Variants in KLHL24 observed in about 807,000 individuals in gnomAD.
KLHL24 encodes the protein kelch like family member 24, also known as kelch-like protein 24.
A neutral mutation model predicts 53.4 loss-of-function variants in KLHL24; 29 were observed. That is an observed-to-expected ratio of 0.54 (90% CI 0.40 to 0.74). The LOEUF (loss-of-function observed/expected upper bound fraction) is 0.74, where lower values mean the gene tolerates loss of function less well. KLHL24 is among the 30% of genes least tolerant of loss of function. The pLI is 0.00. For missense variants in KLHL24, 504 were observed against 744.0 expected (o/e 0.68, Z 3.75); for synonymous variants, 222 against 253.7 (o/e 0.88, Z 1.19).
Position 183,679,328 on chromosome 3 carries a change from G to A in KLHL24, c.*42G>A. The A allele has an allele frequency of 1.3e-6, 2 of 1,512,864 alleles. No homozygotes were observed. Among genetic ancestry groups the A allele is most frequent in the Non-Finnish European group, 1.8e-6 (2 of 1,091,466 alleles). 93.7% of individuals were successfully genotyped at this position (1,512,864 alleles called of 1,614,324 possible). A position where few individuals can be genotyped will look rare whatever the true frequency, so the allele number is the denominator to read the frequency against. On this transcript the variant is annotated 3_prime_UTR_variant, in exon 8 of 8. Transcript: ENST00000242810. Reference sequence around the variant, plus strand: ...CGAAGAAGCCACACTGATCCAAGATGGGAGGTTTTAAAAACTCTACAGTGG... The same window carrying A: ...CGAAGAAGCCACACTGATCCAAGATAGGAGGTTTTAAAAACTCTACAGTGG...
chr3:183,656,435 T>C (rs1326296367), intron 3 of KLHL24, among the ~76,000 whole-genome samples: 2 of 152,170 alleles, frequency 1.3e-5, no homozygotes, highest in East Asian at 3.8e-4. Context: ...AAGTTTAATA[T>C]TAGTATGGAA....
chr3:183,653,472 T>C (rs1718417515), intron 3 of KLHL24, among the ~76,000 whole-genome samples: 1 of 152,164 alleles, frequency 6.6e-6, no homozygotes, highest in South Asian at 2.1e-4. Context: ...TTTATGCTGC[T>C]GAAGTGGAGT....
intron 3 of KLHL24, among the ~76,000 whole-genome samples, chr3:183,651,766 C>T (rs773825753): frequency 2.6e-5 from 4 of 152,110 alleles, no homozygotes; most frequent in Non-Finnish European, 5.9e-5. Context: ...CCAGCCTGGG[C>T]AACATAGCGA....
At chr3:183,642,805 A>G (rs1576881514) in intron 1 of KLHL24, 1 of 137,090 alleles carries the variant, frequency 7.3e-6, no homozygotes, top group Non-Finnish European at 1.5e-5. Context: ...ACACTCTTCA[A>G]ATATCCAAAG....
chr3:183,661,791 CAA>C (rs963314762), intron 3 of KLHL24, among the ~76,000 whole-genome samples: 2 of 152,046 alleles, frequency 1.3e-5, no homozygotes, highest in African/African-American at 2.4e-5. Context: ...AAGGATAAAA[CAA>C]AATCCTATGA....
At chr3:183,677,952 C>T (rs1467005846) in intron 7 of KLHL24, among the ~76,000 whole-genome samples, 1 of 152,120 alleles carries the variant, frequency 6.6e-6, no homozygotes, top group Non-Finnish European at 1.5e-5. Flanking sequence ...CCACCACGTC[C>T]AGCTAATTTT....
At chr3:183,639,278 T>C (rs1207751932) in intron 1 of KLHL24, among the ~76,000 whole-genome samples, 1 of 152,130 alleles carries the variant, frequency 6.6e-6, no homozygotes, top group Non-Finnish European at 1.5e-5. Flanking sequence ...ACTACTAAGA[T>C]AAATATAAAC....
rs565149512 is a variant in KLHL24, at chr3:183,676,896, G to A, written c.1603-2190G>A. Among the ~76,000 whole-genome samples, 4 of 141,394 alleles carry A rather than the reference G, an allele frequency of 2.8e-5. No individual in the cohort carries two copies. In the South Asian group the frequency reaches 8.6e-4, roughly 30 times the overall value. The allele number at this position is 141,394 out of a possible 152,430, so 92.8% of individuals were successfully genotyped here. A position where few individuals can be genotyped will look rare whatever the true frequency, so the allele number is the denominator to read the frequency against. ...AACATTTTAAGCATACAAAAATAAC[G>A]AGAGGGTTTTTTGGTTTTTTTTTTT... On this transcript the variant is annotated intron_variant, in intron 7 of 7. Transcript: ENST00000242810.
chr3:183,654,497 TTTC>T (rs1220832389), intron 3 of KLHL24, among the ~76,000 whole-genome samples: 2 of 151,954 alleles, frequency 1.3e-5, no homozygotes, highest in Non-Finnish European at 2.9e-5. Flanking sequence ...CATGTATATA[TTTC>T]TTTTTAAATT....
At chr3:183,638,750 A>G (rs940056021) in intron 1 of KLHL24, among the ~76,000 whole-genome samples, 3 of 152,180 alleles carry the variant, frequency 2.0e-5, no homozygotes, top group South Asian at 2.1e-4. Flanking sequence ...AGAATGGGCA[A>G]CATAGTGAGA....
In KLHL24 at chr3:183,681,004, A is replaced by G. The variant is rs1712620833; in HGVS notation, c.*1718A>G. The G allele has an allele frequency of 6.6e-6, 1 of 152,190 alleles. No homozygotes were observed. The highest frequency in any genetic ancestry group is 1.5e-5 in the Non-Finnish European group (1 of 68,000). The allele number at this position is 152,190 out of a possible 1,614,324, so 9.4% of individuals were successfully genotyped here. ...TTCAGATAGACATTTTTTAAACTTT[A>G]ATGCTTAGCTAGAATCTACATTCTG... On this transcript the variant is annotated 3_prime_UTR_variant, in exon 8 of 8. Transcript: ENST00000242810.
chr3:183,637,883 T>A lies in KLHL24; in HGVS notation c.-125+2090T>A, dbSNP rs1715606567. Among the ~76,000 whole-genome samples, 7 of 152,216 alleles carry A rather than the reference T, an allele frequency of 4.6e-5. 1 individual carries two copies. The South Asian group carries it at 1.4e-3, about 32-fold the overall frequency. ...CATGTTGGCCAGGCTAGTCTTGAAC[T>A]CCTGACCTCAGGTGATCCGCCCGCC... is the stretch of plus-strand genomic sequence containing the variant. On this transcript the variant is annotated intron_variant, in intron 1 of 7. Transcript: ENST00000242810.
chr3:183,636,499 C>G (rs1226293267), intron 1 of KLHL24: 1 of 152,236 alleles, frequency 6.6e-6, no homozygotes, highest in East Asian at 1.9e-4. Context: ...GGCGTTCCGC[C>G]GGCGCAGTCC....
In KLHL24 at chr3:183,670,834, C is replaced by G. The variant is rs137864752; in HGVS notation, c.1225-200C>G. ...GGGAAGACTATTAGGAAGAAAATACCTAAAAAGGCTCCGTGGATTGTGATG... is the reference window on the plus strand; with the variant it reads ...GGGAAGACTATTAGGAAGAAAATACGTAAAAAGGCTCCGTGGATTGTGATG... On this transcript the variant is annotated intron_variant, in intron 5 of 7. Transcript: ENST00000242810. 4.6e-5 allele frequency among the ~76,000 whole-genome samples: 7 copies of G among 152,134 alleles called. No individual in the cohort carries two copies. In the East Asian group the frequency reaches 9.6e-4, roughly 21 times the overall value.
Position 183,676,797 on chromosome 3 carries a change from A to G in KLHL24, c.1603-2289A>G, listed in dbSNP as rs1397727549. On this transcript the variant is annotated intron_variant, in intron 7 of 7. Coordinates refer to ENST00000242810, the MANE Select transcript of KLHL24 (RefSeq NM_017644.3). ...TTTTTTTCTCTCTCTTCAGTAGACCAGGTATTTAAAATACCATTAAAGATT... is the reference window on the plus strand; with the variant it reads ...TTTTTTTCTCTCTCTTCAGTAGACCGGGTATTTAAAATACCATTAAAGATT... Among the ~76,000 whole-genome samples the G allele has an allele frequency of 5.3e-5, 8 of 152,158 alleles. No homozygotes were observed. In the East Asian group the frequency reaches 1.3e-3, roughly 26 times the overall value.
At position 183,679,272 on chromosome 3, in the gene KLHL24, T is replaced by C. The variant is rs1427227690; in HGVS notation, c.1789T>C (p.Cys597Arg). The C allele has an allele frequency of 1.9e-6, 3 of 1,613,662 alleles. No individual in the cohort carries two copies. The highest frequency in any genetic ancestry group is 1.1e-5 in the South Asian group (1 of 91,072). Reference sequence around the variant, plus strand: ...GACTATTCATAGATACAATGAGAAATGCTTTAAACTCTGAAGACAGGATAC... The same window carrying C: ...GACTATTCATAGATACAATGAGAAACGCTTTAAACTCTGAAGACAGGATAC... ...CVTIHRYNEK[C>R]FKL The change falls in exon 8 of 8, where the codon TGC (cysteine) becomes CGC (arginine). Residue 597 changes from cysteine to arginine, a missense_variant. Coordinates refer to ENST00000242810, the MANE Select transcript of KLHL24 (RefSeq NM_017644.3).
At position 183,663,508 on chromosome 3, in the gene KLHL24, T is replaced by C; in HGVS notation, c.971T>C (p.Val324Ala). ...GTTGTCGTTGGAGGATGTGAGCGAG[T>C]TGGAGGATTTAATCTTCCATACACT... Reference protein sequence around the residue: ...VIVVVGGCERVGGFNLPYTEC... With the variant: ...VIVVVGGCERAGGFNLPYTEC... The change falls in exon 4 of 8, where the codon GTT (valine) becomes GCT (alanine). Residue 324 changes from valine (V) to alanine (A), a missense_variant. By Grantham distance (64) the Val-to-Ala change is moderately conservative. Transcript: ENST00000242810. The surrounding 1 kb of genome is among the most constrained non-coding windows in gnomAD (Gnocchi z 4.9). 6.3e-7 allele frequency: 1 copy of C among 1,585,348 alleles called. No homozygotes were observed. Among genetic ancestry groups the C allele is most frequent in the South Asian group, 1.2e-5 (1 of 85,296 alleles).
Position 183,650,236 on chromosome 3 carries a change from T to A in KLHL24, c.-61-60T>A. The A allele has an allele frequency of 1.5e-6, 1 of 682,200 alleles. No individual in the cohort carries two copies. The highest frequency in any genetic ancestry group is 2.5e-6 in the Non-Finnish European group (1 of 407,872). 42.3% of individuals were successfully genotyped at this position (682,200 alleles called of 1,614,324 possible). ...TGTAGTGTTTATATTAAAATGAAAT[T>A]ATGTGATTTGAATACTGAATTTTTT... On this transcript the variant is annotated intron_variant, in intron 2 of 7. Transcript: ENST00000242810. The surrounding 1 kb of genome is among the most constrained non-coding windows in gnomAD (Gnocchi z 4.5).
At chr3:183,659,525 C>G (rs1394715174) in intron 3 of KLHL24, among the ~76,000 whole-genome samples, 1 of 152,164 alleles carries the variant, frequency 6.6e-6, no homozygotes, top group African/African-American at 2.4e-5. Flanking sequence ...GAGTGAGACT[C>G]CGTCTCAAGG....
Sources: gnomAD v4.1 joint callset for allele counts (sites outside exome capture counted in the v4.1 genomes callset) on GRCh38, gnomAD v4.1.1 for gene constraint, Gnocchi (gnomAD v3.1) non-coding constraint, MANE v1.5 for transcripts, NCBI Gene and HGNC (gene_info 2026-07-23, HGNC 2026-07-21) for gene names.